DYNC2I2: variants seen among roughly 807,000 people sequenced by gnomAD.
The protein encoded by DYNC2I2 is dynein 2 intermediate chain 2, also known as cytoplasmic dynein 2 intermediate chain 2.
A neutral mutation model predicts 52.0 loss-of-function variants in DYNC2I2; 39 were observed. That is an observed-to-expected ratio of 0.75 (90% CI 0.58 to 0.98). The LOEUF (loss-of-function observed/expected upper bound fraction) is 0.98. Ranked by LOEUF, DYNC2I2 falls within the 50% of genes least tolerant of loss-of-function variation. The probability of loss-of-function intolerance (pLI) is 0.00; values close to 1 mark genes in which losing one functional copy is unlikely to be tolerated. For missense variants in DYNC2I2, 743 were observed against 728.4 expected, an observed-to-expected ratio of 1.02 and a Z score of -0.23; for synonymous variants, 359 against 321.1, an observed-to-expected ratio of 1.12 and a Z score of -1.26.
the DYNC2I2 span, among the ~76,000 whole-genome samples, chr9:128,672,043 A>G: frequency 1.4e-4 from 20 of 139,986 alleles, no homozygotes; most frequent in East Asian, 6.7e-4. Flanking sequence ...GCGCGATCTC[A>G]GCTCACTGCA....
intron 4 of DYNC2I2, 121 bp downstream of exon 4, chr9:128,636,159 AG>A: frequency 1.4e-6 from 2 of 1,420,626 alleles, no homozygotes; most frequent in South Asian, 2.5e-5. Context: ...CCAGACTGAG[AG>A]GGTCAGGGCC....
rs916962660 is a variant in DYNC2I2 at position 128,656,831 on chromosome 9, G to A, written c.-105C>T. ...ATGTGAGGCTGACGGCGCCATGTTTGAATTGGTCGCAGCGCCTCCTGCAAG... is the reference window on the plus strand; with the variant it reads ...ATGTGAGGCTGACGGCGCCATGTTTAAATTGGTCGCAGCGCCTCCTGCAAG... On this transcript the variant is annotated 5_prime_UTR_variant, in exon 1 of 9. Transcript: ENST00000372715. The A allele has an allele frequency of 6.9e-5, 82 of 1,180,644 alleles. No homozygotes were observed. Among genetic ancestry groups the A allele is most frequent in the Non-Finnish European group, 8.9e-5 (81 of 910,736 alleles). 73.1% of individuals were successfully genotyped at this position (1,180,644 alleles called of 1,614,324 possible).
In DYNC2I2 at chr9:128,635,740, A is replaced by T; in HGVS notation, c.731T>A (p.Val244Glu). 1 of 1,613,100 alleles carries T rather than the reference A, an allele frequency of 6.2e-7. No homozygotes were observed. Among genetic ancestry groups the T allele is most frequent in the Non-Finnish European group, 8.5e-7 (1 of 1,179,596 alleles). ...AGGLYSGEVLVWDLSRLEDPL... is the reference protein window; with the variant it reads ...AGGLYSGEVLEWDLSRLEDPL... The stretch of plus-strand genomic sequence containing the variant: ...GTCCTCAAGACGGCTCAGGTCCCAC[A>T]CCAACACCTCACCACTGTACAGCCC... Residue 244 changes from valine to glutamate, a missense_variant, in exon 5 of 9, where the codon GTG becomes GAG. Physicochemically the swap from Val to Glu is moderately radical, Grantham distance 121. Coordinates refer to ENST00000372715, the MANE Select transcript of DYNC2I2 (RefSeq NM_052844.4).
At chr9:128,660,501 C>T (rs559730577), upstream of DYNC2I2, among the ~76,000 whole-genome samples, 4 of 151,998 alleles carry the variant, frequency 2.6e-5, no homozygotes, top group Non-Finnish European at 2.9e-5. Context: ...TGCTGCCTCC[C>T]GGGTTCAAGC....
chr9:128,672,140 A>G, the DYNC2I2 span, among the ~76,000 whole-genome samples: 2 of 139,458 alleles, frequency 1.4e-5, no homozygotes, highest in East Asian at 4.3e-4. Context: ...TGCTTGGCTA[A>G]ATTTTTGTAT....
the DYNC2I2 span, chr9:128,684,100 C>T: frequency 9.4e-6 from 9 of 954,004 alleles, no homozygotes; most frequent in Non-Finnish European, 1.3e-5. Context: ...TGAGATGTGA[C>T]CCCTAAGCAC....
rs570556602 is a variant in DYNC2I2, at chr9:128,656,524, G to C, written c.186+17C>G. The C allele has an allele frequency of 2.3e-6, 3 of 1,298,032 alleles. No individual in the cohort carries two copies. The highest frequency in any genetic ancestry group is 1.9e-6 in the Non-Finnish European group (2 of 1,026,764). 80.4% of individuals were successfully genotyped at this position (1,298,032 alleles called of 1,614,324 possible). A position where few individuals can be genotyped will look rare whatever the true frequency, so the allele number is the denominator to read the frequency against. On this transcript the variant is annotated intron_variant, in intron 1 of 8. Transcript: ENST00000372715. ...CCTTCCCGCCCGCGTCGCTCCGCGC[G>C]GGGCCCGCGCCCTCACCGTCTCCCA...
chr9:128,652,247 C>T (rs1860730093), intron 1 of DYNC2I2: 1 of 150,570 alleles, frequency 6.6e-6, no homozygotes, highest in Admixed American at 6.6e-5. Context: ...GCCTGGCCAA[C>T]ATGGTGAAAC....
chr9:128,660,971 G>A (rs1299585617), upstream of DYNC2I2, among the ~76,000 whole-genome samples: 2 of 151,518 alleles, frequency 1.3e-5, no homozygotes, highest in African/African-American at 2.4e-5. Flanking sequence ...CTCAGGATCT[G>A]CGCACCTCAG....
chr9:128,673,529 G>A, the DYNC2I2 span, among the ~76,000 whole-genome samples: 3 of 149,184 alleles, frequency 2.0e-5, no homozygotes, highest in Admixed American at 6.8e-5. Context: ...TTTCTGAGAC[G>A]GAGTCTAGCT....
chr9:128,633,714 C>A lies in DYNC2I2; in HGVS notation c.*30G>T, dbSNP rs765853252. 43 of 1,596,092 alleles carry A rather than the reference C, an allele frequency of 2.7e-5. No homozygotes were observed. In the African/African-American group the frequency reaches 5.5e-4, roughly 20 times the overall value. The stretch of plus-strand genomic sequence containing the variant: ...GTCAGAAACACAAGGCTCGGCACAG[C>A]GAAGGCTTGCACCCGCCTCCCGGGA... On this transcript the variant is annotated 3_prime_UTR_variant, in exon 9 of 9. Coordinates refer to ENST00000372715, the MANE Select transcript of DYNC2I2 (RefSeq NM_052844.4).
chr9:128,666,758 C>CA, the DYNC2I2 span, among the ~76,000 whole-genome samples: 7,689 of 115,980 alleles, frequency 0.066, 234 homozygotes, highest in East Asian at 0.14. Flanking sequence ...GACTCCATCT[C>CA]AAAAAAAAAA....
chr9:128,635,996 G>A (rs372281708), intron 4 of DYNC2I2: 24 of 677,162 alleles, frequency 3.5e-5, no homozygotes, highest in South Asian at 3.6e-5. Flanking sequence ...TCCCTCCAGC[G>A]TTGCCTGCCC....
At chr9:128,682,549 C>T in the DYNC2I2 span, among the ~76,000 whole-genome samples, 4 of 151,582 alleles carry the variant, frequency 2.6e-5, no homozygotes, top group Non-Finnish European at 4.4e-5. Flanking sequence ...ATGGTGGTGA[C>T]GTCTGTAGTC....
upstream of DYNC2I2, among the ~76,000 whole-genome samples, chr9:128,659,388 G>A (rs779209716): frequency 1.1e-4 from 17 of 151,404 alleles, no homozygotes; most frequent in Non-Finnish European, 2.1e-4. Context: ...CCAACTACTC[G>A]GGAGGCTGAG....
Position 128,652,419 on chromosome 9 carries a change from C to T in DYNC2I2, c.186+4122G>A, listed in dbSNP as rs1175859201. On this transcript the variant is annotated intron_variant, in intron 1 of 8. Transcript: ENST00000372715. ...TAAACTCCAGCCTGGGGAACAAGAGCGAAACTTCATCTCAAAAAAAAAAAA... is the reference window on the plus strand; with the variant it reads ...TAAACTCCAGCCTGGGGAACAAGAGTGAAACTTCATCTCAAAAAAAAAAAA... Among the ~76,000 whole-genome samples the T allele has an allele frequency of 1.5e-4, 17 of 111,384 alleles. 1 individual carries two copies. Among genetic ancestry groups the T allele is most frequent in the African/African-American group, 6.1e-4 (16 of 26,294 alleles). 73.1% of individuals were successfully genotyped at this position (111,384 alleles called of 152,430 possible). A position where few individuals can be genotyped will look rare whatever the true frequency, so the allele number is the denominator to read the frequency against.
At chr9:128,657,046 A>G (rs1026526543), upstream of DYNC2I2, among the ~76,000 whole-genome samples, 4 of 152,214 alleles carry the variant, frequency 2.6e-5, no homozygotes, top group East Asian at 5.8e-4. Context: ...AAGCGAAGAG[A>G]GGGCGGCAGC....
At chr9:128,656,856 G>C (rs1223373004), upstream of DYNC2I2, 1 of 930,556 alleles carries the variant, frequency 1.1e-6, no homozygotes, top group African/African-American at 1.8e-5. Context: ...CCTCCTGCAA[G>C]ACCTGGAAGA....
chr9:128,649,688 CAA>C (rs34154610), intron 1 of DYNC2I2, among the ~76,000 whole-genome samples: 4 of 47,232 alleles, frequency 8.5e-5, no homozygotes, highest in African/African-American at 5.5e-4. Flanking sequence ...GACTCCATCT[CAA>C]AAAAAAAAAA....
Sources: allele counts gnomAD v4.1 joint callset (sites outside exome capture counted in the v4.1 genomes callset), GRCh38; gene constraint gnomAD v4.1.1; transcripts MANE v1.5; gene names NCBI Gene and HGNC (gene_info 2026-07-23, HGNC 2026-07-21).